LPAR1: variants seen among roughly 807,000 people sequenced by gnomAD.
The protein encoded by LPAR1 is lysophosphatidic acid receptor 1, also known as LPA receptor 1.
A neutral mutation model predicts 23.8 loss-of-function variants in LPAR1; 5 were observed. That is an observed-to-expected ratio of 0.21 (90% CI 0.11 to 0.44). LPAR1 has a LOEUF of 0.44. Among genes scored for constraint, LPAR1 ranks in the 20% least tolerant of loss-of-function variants. The probability of loss-of-function intolerance (pLI) is 0.99; values close to 1 mark genes in which losing one functional copy is unlikely to be tolerated. For synonymous variants in LPAR1, 160 were observed against 164.7 expected (o/e 0.97, Z 0.22); for missense variants, 311 against 482.8 (o/e 0.64, Z 3.33).
chr9:110,930,486 GACA>G (rs2094336147), intron 5 of LPAR1, among the ~76,000 whole-genome samples: 1 of 151,816 alleles, frequency 6.6e-6, no homozygotes, highest in Admixed American at 6.6e-5. Flanking sequence ...CTCCAGCCTA[GACA>G]ACAAGAGCAA....
At chr9:110,915,316 C>G (rs1468552318) in intron 5 of LPAR1, among the ~76,000 whole-genome samples, 5 of 152,152 alleles carry the variant, frequency 3.3e-5, no homozygotes, top group Non-Finnish European at 4.4e-5. Context: ...GCAGGCAGAT[C>G]ACTGGAGGTA....
intron 2 of LPAR1, among the ~76,000 whole-genome samples, chr9:111,000,379 G>A (rs1239684570): frequency 6.6e-6 from 1 of 152,154 alleles, no homozygotes; most frequent in Admixed American, 6.5e-5. Flanking sequence ...GGAAACAACA[G>A]GCTCCACTTT....
intron 5 of LPAR1, among the ~76,000 whole-genome samples, chr9:110,937,440 T>C (rs2094796189): frequency 6.6e-6 from 1 of 152,206 alleles, no homozygotes. Flanking sequence ...CCCGTTCCTA[T>C]ACTTCCTAGC....
intron 2 of LPAR1, among the ~76,000 whole-genome samples, chr9:110,982,857 C>T (rs1366251533): frequency 7.9e-6 from 1 of 127,046 alleles, no homozygotes; most frequent in Non-Finnish European, 1.6e-5. Flanking sequence ...AATGTATATA[C>T]ACATACACAC....
chr9:111,005,471 C>G (rs555618843), intron 2 of LPAR1, among the ~76,000 whole-genome samples: 8 of 144,222 alleles, frequency 5.5e-5, no homozygotes, highest in Admixed American at 1.5e-4. Flanking sequence ...TTACCTGAGC[C>G]CAGGAGGTGG....
chr9:110,898,743 G>C (rs377560444), intron 5 of LPAR1, among the ~76,000 whole-genome samples: 2 of 152,208 alleles, frequency 1.3e-5, no homozygotes, highest in African/African-American at 4.8e-5. Flanking sequence ...CTTACAGCCT[G>C]AGAAATCTCT....
intron 4 of LPAR1, among the ~76,000 whole-genome samples, chr9:110,963,906 A>G (rs1282322535): frequency 2.0e-5 from 3 of 152,250 alleles, no homozygotes; most frequent in African/African-American, 7.2e-5. Flanking sequence ...GATTTGAACC[A>G]AAATCCACCC....
intron 2 of LPAR1, among the ~76,000 whole-genome samples, chr9:110,989,786 A>C (rs1588710909): frequency 6.6e-6 from 1 of 152,244 alleles, no homozygotes; most frequent in East Asian, 1.9e-4. Flanking sequence ...TAAACAACTC[A>C]ATTAAAAGGC....
chr9:110,932,379 G>A (rs374847713), intron 5 of LPAR1, among the ~76,000 whole-genome samples: 3 of 152,198 alleles, frequency 2.0e-5, no homozygotes, highest in Middle Eastern at 3.2e-3. Context: ...AGTAAATGAC[G>A]ATGAATCCCA....
chr9:110,886,925 G>C (rs1374269268), intron 5 of LPAR1, among the ~76,000 whole-genome samples: 1 of 152,108 alleles, frequency 6.6e-6, no homozygotes, highest in Non-Finnish European at 1.5e-5. Flanking sequence ...CTGTTACTAA[G>C]GTGATTTGAA....
chr9:110,902,876 C>T (rs1564416577), intron 5 of LPAR1, among the ~76,000 whole-genome samples: 1 of 152,170 alleles, frequency 6.6e-6, no homozygotes, highest in African/African-American at 2.4e-5. Flanking sequence ...CTGAAGAGCT[C>T]CACCCCTTCA....
intron 2 of LPAR1, among the ~76,000 whole-genome samples, chr9:110,989,704 AAAGC>A (rs945138821): frequency 1.3e-5 from 2 of 152,192 alleles, no homozygotes; most frequent in Non-Finnish European, 2.9e-5. Flanking sequence ...ACAATAGACA[AAAGC>A]AAGATGATAG....
chr9:110,964,921 T>C (rs1426744415), intron 4 of LPAR1, among the ~76,000 whole-genome samples: 2 of 136,708 alleles, frequency 1.5e-5, no homozygotes, highest in African/African-American at 5.5e-5. Context: ...TGGAGTGCAG[T>C]AGTGCGATCT....
intron 5 of LPAR1, among the ~76,000 whole-genome samples, chr9:110,896,850 T>C (rs2086543093): frequency 6.8e-6 from 1 of 147,702 alleles, no homozygotes; most frequent in African/African-American, 2.5e-5. Context: ...TGCAGTGGCG[T>C]GATCTCAGCT....
chr9:110,942,118 G>A lies in LPAR1; in HGVS notation c.96C>T (p.Phe32=). 6.2e-7 allele frequency: 1 copy of A among 1,614,080 alleles called. No individual in the cohort carries two copies. The highest frequency in any genetic ancestry group is 1.3e-5 in the African/African-American group (1 of 75,034). ...PQCFYNESIA[F]FYNRSGKHLA... is the part of the protein sequence containing the mutation. ...GATGCTTTCCACTTCGGTTATAAAA[G>A]AAGGCAATGGACTCGTTGTAGAAGC... The change falls in exon 5 of 6, where the codon TTC becomes TTT. Residue 32 remains phenylalanine (F), a synonymous_variant. Coordinates refer to ENST00000683809, the MANE Select transcript of LPAR1 (RefSeq NM_001351411.2).
intron 2 of LPAR1, among the ~76,000 whole-genome samples, chr9:111,013,048 A>AT (rs1389977335): frequency 4.6e-5 from 7 of 152,180 alleles, no homozygotes; most frequent in Non-Finnish European, 1.0e-4. Context: ...AAAATCGCTG[A>AT]TATCTGCATT....
chr9:111,013,943 C>G (rs1481953300), intron 2 of LPAR1, among the ~76,000 whole-genome samples: 2 of 152,144 alleles, frequency 1.3e-5, no homozygotes, highest in Admixed American at 1.3e-4. Flanking sequence ...ACTTCAAAAT[C>G]CCCCTTTATA....
chr9:110,906,973 TA>T (rs1170203476), intron 5 of LPAR1, among the ~76,000 whole-genome samples: 1 of 141,058 alleles, frequency 7.1e-6, no homozygotes, highest in African/African-American at 2.5e-5. Context: ...TTCTGTAACT[TA>T]AAAAATCTAG....
chr9:110,955,957 A>G (rs2095727117), intron 4 of LPAR1, among the ~76,000 whole-genome samples: 2 of 152,118 alleles, frequency 1.3e-5, no homozygotes, highest in Admixed American at 1.3e-4. Context: ...AACTAGAAAG[A>G]TTTCCAATAA....
Sources: allele counts gnomAD v4.1 joint callset (sites outside exome capture counted in the v4.1 genomes callset), GRCh38; gene constraint gnomAD v4.1.1; transcripts MANE v1.5; gene names NCBI Gene and HGNC (gene_info 2026-07-23, HGNC 2026-07-21).